The following TP63 variants were observed in gnomAD, a reference collection of about 807,000 sequenced individuals.
TP63 encodes tumor protein 63.
In TP63, 17 loss-of-function variants were observed where a neutral mutation model predicts 82.8. The ratio of observed to expected loss-of-function variants is 0.21; its 90% CI spans 0.14 to 0.31. The LOEUF is 0.31. TP63 is among the 10% of genes least tolerant of loss of function. TP63 has a pLI of 1.00. For synonymous variants in TP63, 330 were observed against 321.7 expected (o/e 1.03, Z -0.28); for missense variants, 648 against 895.3 (o/e 0.72, Z 3.52).
intron 3 of TP63, 103 bp downstream of exon 3, chr3:189,738,877 G>A: frequency 1.3e-6 from 2 of 1,519,236 alleles, no homozygotes; most frequent in Non-Finnish European, 1.8e-6. Context: ...GGCTCTGAAT[G>A]GCCAAGGCCT....
At chr3:189,794,806 G>A (rs1361203265) in intron 3 of TP63, among the ~76,000 whole-genome samples, 9 of 151,988 alleles carry the variant, frequency 5.9e-5, no homozygotes, top group Non-Finnish European at 1.3e-4. Flanking sequence ...TTGCCTAGAA[G>A]TATGAAAATG....
chr3:189,742,111 C>T (rs1056712578), intron 3 of TP63, among the ~76,000 whole-genome samples: 5 of 151,860 alleles, frequency 3.3e-5, no homozygotes, highest in East Asian at 1.9e-4. Context: ...AGCATGGTGG[C>T]GGGTGCCTGT....
intron 1 of TP63, among the ~76,000 whole-genome samples, chr3:189,652,013 G>T (rs889814841): frequency 6.8e-6 from 1 of 147,060 alleles, no homozygotes; most frequent in Non-Finnish European, 1.5e-5. Context: ...CCGAGCAGAA[G>T]TTTGCTGCAG....
Position 189,864,286 on chromosome 3 carries a change from C to A in TP63, c.634C>A (p.Gln212Lys), listed in dbSNP as rs558865264. The A allele has an allele frequency of 6.2e-7, 1 of 1,614,216 alleles. No individual in the cohort carries two copies. Among genetic ancestry groups the A allele is most frequent in the East Asian group, 2.2e-5 (1 of 44,872 alleles). Reference protein sequence around the residue: ...YCQIAKTCPIQIKVMTPPPQG... With the variant: ...YCQIAKTCPIKIKVMTPPPQG... ...CCAAATTGCAAAGACATGCCCCATC[C>A]AGATCAAGGTGATGACCCCACCTCC... The change falls in exon 5 of 14, where the codon CAG (glutamine) becomes AAG (lysine). Residue 212 changes from glutamine (Q) to lysine (K), a missense_variant. By Grantham distance (53) the Gln-to-Lys change is moderately conservative. This residue lies in a region of TP63 where 64 missense variants were observed against 144.2 expected (regional missense o/e 0.44). Coordinates refer to ENST00000264731, the MANE Select transcript of TP63 (RefSeq NM_003722.5).
intron 1 of TP63, among the ~76,000 whole-genome samples, chr3:189,693,378 C>T (rs1183692523): frequency 6.6e-6 from 1 of 152,080 alleles, no homozygotes; most frequent in Admixed American, 6.6e-5. Flanking sequence ...AAATGTTTTC[C>T]CCCAAATACA....
chr3:189,609,176 G>T, the TP63 span, among the ~76,000 whole-genome samples: 1 of 151,924 alleles, frequency 6.6e-6, no homozygotes, highest in African/African-American at 2.4e-5. Context: ...TTATCTCTTT[G>T]AATCTCCTTT....
chr3:189,710,461 CTTAA>C (rs1283868090), intron 1 of TP63, among the ~76,000 whole-genome samples: 2 of 151,914 alleles, frequency 1.3e-5, no homozygotes, highest in Non-Finnish European at 2.9e-5. Context: ...AATTAAAATA[CTTAA>C]TTTATAATGT....
At chr3:189,865,580 A>C (rs1208319230) in intron 5 of TP63, among the ~76,000 whole-genome samples, 1 of 152,232 alleles carries the variant, frequency 6.6e-6, no homozygotes, top group Non-Finnish European at 1.5e-5. Flanking sequence ...ATATTAAAAT[A>C]TAAGGATTGA....
chr3:189,849,339 C>T (rs943379272), intron 4 of TP63, among the ~76,000 whole-genome samples: 1 of 152,178 alleles, frequency 6.6e-6, no homozygotes, highest in Admixed American at 6.5e-5. Context: ...TTCCAGAGGT[C>T]TGGATTTGCT....
intron 3 of TP63, among the ~76,000 whole-genome samples, chr3:189,774,855 T>A (rs2108564687): frequency 6.6e-6 from 1 of 152,308 alleles, no homozygotes; most frequent in African/African-American, 2.4e-5. Context: ...ATGTTAGTAC[T>A]GTTATTGAAT....
At chr3:189,671,061 A>G (rs1225754106) in intron 1 of TP63, among the ~76,000 whole-genome samples, 1 of 152,138 alleles carries the variant, frequency 6.6e-6, no homozygotes, top group Non-Finnish European at 1.5e-5. Flanking sequence ...ACTTGTGCAC[A>G]GCAAAGGAAA....
the TP63 span, among the ~76,000 whole-genome samples, chr3:189,620,028 G>A: frequency 6.6e-6 from 1 of 152,192 alleles, no homozygotes; most frequent in African/African-American, 2.4e-5. Context: ...GAGAATGCCT[G>A]TGGAGGATAA....
intron 3 of TP63, among the ~76,000 whole-genome samples, chr3:189,765,433 C>CTTTTTTTTTTTTT (rs576530590): frequency 0.049 from 1,462 of 30,064 alleles, 662 homozygotes; most frequent in African/African-American, 0.066. Context: ...CTGTCCTCTG[C>CTTTTTTTTTTTTT]TTTTTTTTTT....
chr3:189,871,929 G>T (rs62281462), intron 9 of TP63, among the ~76,000 whole-genome samples: 1 of 152,052 alleles, frequency 6.6e-6, no homozygotes, highest in Non-Finnish European at 1.5e-5. Context: ...TTCCCAGGGT[G>T]GTCTTGAACT....
At chr3:189,859,547 C>G (rs7642420) in intron 4 of TP63, among the ~76,000 whole-genome samples, 1 of 151,930 alleles carries the variant, frequency 6.6e-6, no homozygotes. Context: ...ATTAAAATAA[C>G]AGCTGACAAT....
At chr3:189,846,010 G>A (rs2108753473) in intron 4 of TP63, among the ~76,000 whole-genome samples, 1 of 151,954 alleles carries the variant, frequency 6.6e-6, no homozygotes, top group Non-Finnish European at 1.5e-5. Flanking sequence ...GATATTACCT[G>A]GCACCTCTAT....
intron 3 of TP63, among the ~76,000 whole-genome samples, chr3:189,761,622 A>G (rs1722578562): frequency 6.6e-6 from 1 of 152,094 alleles, no homozygotes; most frequent in South Asian, 2.1e-4. Flanking sequence ...GAGCCCTCCA[A>G]ACTGTTCAAC....
intron 1 of TP63, among the ~76,000 whole-genome samples, chr3:189,680,467 C>G (rs374204139): frequency 6.6e-6 from 1 of 151,962 alleles, no homozygotes; most frequent in Non-Finnish European, 1.5e-5. Context: ...ATACTAAATC[C>G]GCCTAAATAA....
chr3:189,871,718 T>A (rs1718439828), intron 9 of TP63, among the ~76,000 whole-genome samples: 1 of 152,104 alleles, frequency 6.6e-6, no homozygotes, highest in African/African-American at 2.4e-5. Flanking sequence ...GCTCATCCGT[T>A]TTTTTGGTTT....
Sources: gnomAD v4.1 joint callset for allele counts (sites outside exome capture counted in the v4.1 genomes callset) on GRCh38, gnomAD v4.1.1 for gene constraint, gnomAD v4.1.1 regional missense constraint, MANE v1.5 for transcripts, NCBI Gene and HGNC (gene_info 2026-07-23, HGNC 2026-07-21) for gene names.